Variants in WDR1 observed in about 807,000 individuals in gnomAD.
The protein encoded by WDR1 is WD repeat domain 1.
A neutral mutation model predicts 71.9 loss-of-function variants in WDR1; 21 were observed. The ratio of observed to expected loss-of-function variants is 0.29; its 90% CI spans 0.21 to 0.42. The LOEUF (loss-of-function observed/expected upper bound fraction) is 0.42. Among genes scored for constraint, WDR1 ranks in the 10% least tolerant of loss-of-function variants. WDR1 has a pLI of 1.00. For synonymous variants in WDR1, 424 were observed against 347.4 expected, an observed-to-expected ratio of 1.22 and a Z score of -2.45; for missense variants, 696 against 824.5, an observed-to-expected ratio of 0.84 and a Z score of 1.91.
At chr4:10,106,340 C>T (rs560239028) in intron 2 of WDR1, 59 of 152,446 alleles carry the variant, frequency 3.9e-4, no homozygotes, top group African/African-American at 1.2e-3. Flanking sequence ...CATATTCTGA[C>T]ACTGACACAT....
chr4:10,110,435 C>T (rs1448391433), intron 2 of WDR1, among the ~76,000 whole-genome samples: 4 of 152,170 alleles, frequency 2.6e-5, no homozygotes, highest in East Asian at 3.9e-4. Context: ...GTATCCCTCC[C>T]GTTACCTCCA....
At chr4:10,078,345 C>G (rs1422907238) in intron 12 of WDR1, among the ~76,000 whole-genome samples, 1 of 152,196 alleles carries the variant, frequency 6.6e-6, no homozygotes. Flanking sequence ...ACAGAGCACT[C>G]AGGACTTGGC....
At chr4:10,094,037 G>C (rs545830930) in intron 5 of WDR1, among the ~76,000 whole-genome samples, 1 of 152,328 alleles carries the variant, frequency 6.6e-6, no homozygotes, top group South Asian at 2.1e-4. Context: ...TGAGGTCCCC[G>C]CAGGGCAGAG....
intron 2 of WDR1, among the ~76,000 whole-genome samples, chr4:10,108,695 G>A (rs1713169147): frequency 6.6e-6 from 1 of 152,224 alleles, no homozygotes; most frequent in African/African-American, 2.4e-5. Context: ...AAGGCTGAAT[G>A]ACAGCAAAAA....
intron 2 of WDR1, among the ~76,000 whole-genome samples, chr4:10,115,421 T>G (rs1295198079): frequency 6.6e-6 from 1 of 152,224 alleles, no homozygotes; most frequent in Non-Finnish European, 1.5e-5. Context: ...CTGCTTCCTG[T>G]TTTTGCTTTG....
chr4:10,078,709 C>A (rs753603362), intron 12 of WDR1, 182 bp downstream of exon 12: 11 of 557,448 alleles, frequency 2.0e-5, no homozygotes, highest in Non-Finnish European at 3.2e-5. Flanking sequence ...AAGGCTCCAG[C>A]CCTGGGTGGC....
chr4:10,115,186 C>A (rs868223944), intron 2 of WDR1, among the ~76,000 whole-genome samples: 1 of 152,204 alleles, frequency 6.6e-6, no homozygotes, highest in African/African-American at 2.4e-5. Context: ...ATGGCCGGGC[C>A]GGCACCTCCA....
At chr4:10,107,567 C>T (rs1229185678) in intron 2 of WDR1, among the ~76,000 whole-genome samples, 2 of 152,204 alleles carry the variant, frequency 1.3e-5, no homozygotes, top group South Asian at 2.1e-4. Flanking sequence ...CCCATGGCCC[C>T]TCACCCCAAC....
In WDR1 at chr4:10,088,315, G is replaced by A. The variant is rs1453403151; in HGVS notation, c.695C>T (p.Ala232Val). 1.9e-6 allele frequency: 3 copies of A among 1,556,690 alleles called. No homozygotes were observed. The highest frequency in any genetic ancestry group is 1.4e-5 in the African/African-American group (1 of 73,304). ...EKVCALGGSK[A>V]HDGGIYAISW... ...CACTGCGTAAATCCCACCGTCGTGGGCCTTGCTTCCGCCCAGCGCGCACAC... is the reference window on the plus strand; with the variant it reads ...CACTGCGTAAATCCCACCGTCGTGGACCTTGCTTCCGCCCAGCGCGCACAC... The change falls in exon 7 of 15, where the codon GCC becomes GTC. Residue 232 changes from alanine (A) to valine (V), a missense_variant. By Grantham distance (64) the Ala-to-Val change is moderately conservative (BLOSUM62 0). Transcript: ENST00000499869.
chr4:10,090,921 C>T (rs2109662853), intron 5 of WDR1, among the ~76,000 whole-genome samples: 1 of 152,378 alleles, frequency 6.6e-6, no homozygotes, highest in Middle Eastern at 3.4e-3. Flanking sequence ...AAGAGCTCGT[C>T]CTCTGTAGGT....
In WDR1 at chr4:10,074,706, C is replaced by T. The variant is rs1442247390; in HGVS notation, c.*672G>A. The T allele has an allele frequency of 1.3e-5, 2 of 152,346 alleles. No individual in the cohort carries two copies. Among genetic ancestry groups the T allele is most frequent in the African/African-American group, 4.8e-5 (2 of 41,342 alleles). 9.4% of individuals were successfully genotyped at this position (152,346 alleles called of 1,614,324 possible). ...AAACTTGGACACGGTGCCGTCAACG[C>T]ACTAGTTTGTAAACACTGACAGGCA... On this transcript the variant is annotated 3_prime_UTR_variant, in exon 15 of 15. Coordinates refer to ENST00000499869, the MANE Select transcript of WDR1 (RefSeq NM_017491.5).
intron 2 of WDR1, among the ~76,000 whole-genome samples, chr4:10,105,521 C>T (rs991113933): frequency 2.6e-5 from 4 of 152,174 alleles, no homozygotes; most frequent in Admixed American, 6.5e-5. Context: ...CATGAAAAAG[C>T]GCTCAGTGTC....
intron 14 of WDR1, chr4:10,076,619 G>A (rs548493401): frequency 1.1e-3 from 166 of 152,472 alleles, no homozygotes; most frequent in African/African-American, 3.9e-3. Flanking sequence ...TGCCTGTCCT[G>A]CACCTGAAGC....
chr4:10,107,246 G>A (rs940404080), intron 2 of WDR1, among the ~76,000 whole-genome samples: 1 of 152,192 alleles, frequency 6.6e-6, no homozygotes, highest in Admixed American at 6.5e-5. Context: ...GCCAGCTCTG[G>A]CAGTGGGAGG....
rs1173320285 is a variant in WDR1 at position 10,074,850 on chromosome 4, T to C, written c.*528A>G. 1 of 154,680 alleles carries C rather than the reference T, an allele frequency of 6.5e-6. No individual in the cohort carries two copies. The highest frequency in any genetic ancestry group is 1.9e-4 in the East Asian group (1 of 5,268). 9.6% of individuals were successfully genotyped at this position (154,680 alleles called of 1,614,324 possible). A position where few individuals can be genotyped will look rare whatever the true frequency, so the allele number is the denominator to read the frequency against. On this transcript the variant is annotated 3_prime_UTR_variant, in exon 15 of 15. Coordinates refer to ENST00000499869, the MANE Select transcript of WDR1 (RefSeq NM_017491.5). ...TGTGTGTCCCCATCTGATCTGGAGG[T>C]GGCGCTCTGAAGGCAGCCACAAGGT...
At chr4:10,115,718 G>C (rs1713673097) in intron 2 of WDR1, 1 of 158,660 alleles carries the variant, frequency 6.3e-6, no homozygotes, top group African/African-American at 2.4e-5. Flanking sequence ...ATCTTCTCAA[G>C]GTCACGCAGC....
At chr4:10,079,109 T>G in intron 11 of WDR1, 108 bp from the exon 12 acceptor site, 1 of 856,460 alleles carries the variant, frequency 1.2e-6, no homozygotes, top group Non-Finnish European at 1.8e-6. Context: ...TGGGTTTGGC[T>G]CCATACCCAA....
intron 2 of WDR1, among the ~76,000 whole-genome samples, chr4:10,112,210 C>A (rs566235777): frequency 3.3e-5 from 5 of 152,196 alleles, no homozygotes; most frequent in African/African-American, 1.2e-4. Context: ...AGTCTTTGCA[C>A]AGAGGTCATA....
At chr4:10,102,938 T>C (rs1006018939) in intron 3 of WDR1, among the ~76,000 whole-genome samples, 2 of 152,200 alleles carry the variant, frequency 1.3e-5, no homozygotes, top group African/African-American at 4.8e-5. Context: ...GTTGAGCTTA[T>C]GAATGAATGA....
Sources: allele counts gnomAD v4.1 joint callset (sites outside exome capture counted in the v4.1 genomes callset), GRCh38; gene constraint gnomAD v4.1.1; transcripts MANE v1.5; gene names NCBI Gene and HGNC (gene_info 2026-07-23, HGNC 2026-07-21).